KIAA0825: variants seen among roughly 807,000 people sequenced by gnomAD.
The protein encoded by KIAA0825 is uncharacterized protein KIAA0825.
In KIAA0825, 119 loss-of-function variants were observed where a neutral mutation model predicts 147.6. The observed-to-expected ratio is 0.81, with a 90% CI of 0.69 to 0.94. The LOEUF is 0.94. Among genes scored for constraint, KIAA0825 ranks in the 40% least tolerant of loss-of-function variants. The probability of loss-of-function intolerance (pLI) is 0.00; values close to 1 mark genes in which losing one functional copy is unlikely to be tolerated. For missense variants in KIAA0825, 1,381 were observed against 1,472.7 expected (o/e 0.94, Z 1.02); for synonymous variants, 470 against 518.1 (o/e 0.91, Z 1.26).
chr5:94,151,567 A>G lies in KIAA0825; in HGVS notation c.*2440T>C, dbSNP rs1766503954. Among the ~76,000 whole-genome samples the G allele has an allele frequency of 6.6e-6, 1 of 152,116 alleles. No homozygotes were observed. Among genetic ancestry groups the G allele is most frequent in the African/African-American group, 2.4e-5 (1 of 41,426 alleles). ...AATAATTTCACTGAACAAGCACAGAATAGAATTCAACTGCAAGGCCTCTTT... is the reference window on the plus strand; with the variant it reads ...AATAATTTCACTGAACAAGCACAGAGTAGAATTCAACTGCAAGGCCTCTTT... On this transcript the variant is annotated 3_prime_UTR_variant, in exon 21 of 21. Transcript: ENST00000682413.
chr5:94,523,638 C>T (rs2151234172), intron 4 of KIAA0825, among the ~76,000 whole-genome samples: 1 of 151,480 alleles, frequency 6.6e-6, no homozygotes, highest in African/African-American at 2.4e-5. Context: ...TGATACACAT[C>T]AATACATTTT....
intron 20 of KIAA0825, among the ~76,000 whole-genome samples, chr5:94,226,711 A>G (rs1774198427): frequency 6.6e-6 from 1 of 152,056 alleles, no homozygotes; most frequent in African/African-American, 2.4e-5. Context: ...AAAAAAACAA[A>G]CAACCCCATC....
intron 20 of KIAA0825, among the ~76,000 whole-genome samples, chr5:94,205,498 A>G (rs560336597): frequency 1.5e-4 from 23 of 151,704 alleles, no homozygotes; most frequent in Admixed American, 3.3e-4. Flanking sequence ...TCACCATGTT[A>G]GCCAGGATGG....
intron 20 of KIAA0825, among the ~76,000 whole-genome samples, chr5:94,273,908 G>A (rs555193792): frequency 6.6e-6 from 1 of 151,946 alleles, no homozygotes; most frequent in East Asian, 1.9e-4. Context: ...TATACAAGGA[G>A]AAAAAAATAT....
At chr5:94,184,631 A>G (rs1769958422) in intron 20 of KIAA0825, among the ~76,000 whole-genome samples, 1 of 152,210 alleles carries the variant, frequency 6.6e-6, no homozygotes, top group Non-Finnish European at 1.5e-5. Flanking sequence ...TAAGAAACTT[A>G]TGCACAGGTT....
intron 20 of KIAA0825, among the ~76,000 whole-genome samples, chr5:94,325,118 C>T (rs1562379803): frequency 1.3e-5 from 2 of 152,072 alleles, no homozygotes; most frequent in East Asian, 3.9e-4. Context: ...GAATTCAAAG[C>T]TGATCTATTT....
At position 94,484,915 on chromosome 5, in the gene KIAA0825, G is replaced by C. The variant is rs1389590561; in HGVS notation, c.986C>G (p.Pro329Arg). The C allele has an allele frequency of 9.9e-6, 15 of 1,510,210 alleles. No homozygotes were observed. The highest frequency in any genetic ancestry group is 1.1e-5 in the Non-Finnish European group (12 of 1,120,270). The allele number at this position is 1,510,210 out of a possible 1,614,324, so 93.6% of individuals were successfully genotyped here. A position where few individuals can be genotyped will look rare whatever the true frequency, so the allele number is the denominator to read the frequency against. ...GAGAGAGAAGTTTCTTCCTTTCTGTGGGCATTCAGTAGTAACTGTGAAAAG... is the reference window on the plus strand; with the variant it reads ...GAGAGAGAAGTTTCTTCCTTTCTGTCGGCATTCAGTAGTAACTGTGAAAAG... ...AVHALVTTEC[P>R]QKGRNFSLPL... The change falls in exon 6 of 21, where the codon CCA (proline) becomes CGA (arginine). Residue 329 changes from proline to arginine, a missense_variant. Transcript: ENST00000682413.
At chr5:94,203,178 T>C (rs779708535) in intron 20 of KIAA0825, among the ~76,000 whole-genome samples, 1 of 152,182 alleles carries the variant, frequency 6.6e-6, no homozygotes, top group Admixed American at 6.5e-5. Flanking sequence ...TTTACAGAAA[T>C]AGCTAGACCT....
chr5:94,270,009 T>A (rs190301207), intron 20 of KIAA0825, among the ~76,000 whole-genome samples: 6 of 152,210 alleles, frequency 3.9e-5, no homozygotes, highest in Non-Finnish European at 8.8e-5. Flanking sequence ...TAGAGGTCAC[T>A]ATGAGCAACT....
At chr5:94,569,487 C>T (rs1779457933) in intron 2 of KIAA0825, 2 of 410,848 alleles carry the variant, frequency 4.9e-6, no homozygotes, top group African/African-American at 2.1e-5. Flanking sequence ...CGGACTACAA[C>T]CACGACCAAT....
intron 14 of KIAA0825, among the ~76,000 whole-genome samples, chr5:94,418,747 ATGAATC>A (rs1419631303): frequency 4.6e-5 from 7 of 152,140 alleles, no homozygotes. Context: ...TTGACTAAGA[ATGAATC>A]TGATATAGTA....
intron 5 of KIAA0825, among the ~76,000 whole-genome samples, chr5:94,499,562 T>C (rs920013748): frequency 1.5e-5 from 2 of 130,888 alleles, no homozygotes; most frequent in Non-Finnish European, 3.2e-5. Flanking sequence ...ATTTTTCATA[T>C]ATTCATATTT....
intron 2 of KIAA0825, among the ~76,000 whole-genome samples, chr5:94,538,214 C>T (rs1376579080): frequency 6.6e-6 from 1 of 152,022 alleles, no homozygotes; most frequent in Non-Finnish European, 1.5e-5. Context: ...GCTATAAGAA[C>T]AAGTAAAACA....
intron 20 of KIAA0825, among the ~76,000 whole-genome samples, chr5:94,241,086 C>T (rs963260398): frequency 6.6e-6 from 1 of 152,160 alleles, no homozygotes; most frequent in Non-Finnish European, 1.5e-5. Flanking sequence ...GGAATCCATC[C>T]AGCATCTGCA....
intron 10 of KIAA0825, among the ~76,000 whole-genome samples, chr5:94,465,502 G>A (rs1041298828): frequency 1.2e-4 from 18 of 152,000 alleles, no homozygotes; most frequent in Admixed American, 3.3e-4. Context: ...TTCAGATTTC[G>A]CATTATAATG....
At chr5:94,206,329 CTG>C (rs1321252008) in intron 20 of KIAA0825, among the ~76,000 whole-genome samples, 3 of 152,030 alleles carry the variant, frequency 2.0e-5, no homozygotes, top group African/African-American at 7.2e-5. Flanking sequence ...TTTCTAGAGG[CTG>C]TGTTGTCTGT....
chr5:94,265,883 A>G (rs912401994), intron 20 of KIAA0825, among the ~76,000 whole-genome samples: 4 of 152,116 alleles, frequency 2.6e-5, no homozygotes, highest in African/African-American at 9.7e-5. Context: ...AAACAAAATC[A>G]ATTTTATTGA....
chr5:94,422,261 A>G (rs548983529), intron 14 of KIAA0825, among the ~76,000 whole-genome samples: 60 of 152,278 alleles, frequency 3.9e-4, no homozygotes, highest in African/African-American at 1.4e-3. Context: ...GGTGCCCTCT[A>G]TATAGCTGGA....
intron 20 of KIAA0825, among the ~76,000 whole-genome samples, chr5:94,213,805 T>G (rs1266247100): frequency 6.6e-6 from 1 of 152,182 alleles, no homozygotes; most frequent in African/African-American, 2.4e-5. Flanking sequence ...ACTGTGAAGT[T>G]TGCTGTTGCT....
Sources: allele counts gnomAD v4.1 joint callset (sites outside exome capture counted in the v4.1 genomes callset), GRCh38; gene constraint gnomAD v4.1.1; transcripts MANE v1.5; gene names NCBI Gene and HGNC (gene_info 2026-07-23, HGNC 2026-07-21).